Variants in ARHGAP6 observed in about 807,000 individuals in gnomAD.
ARHGAP6 encodes Rho GTPase activating protein 6.
ARHGAP6 carries 16 observed loss-of-function variants against 55.7 expected under a neutral mutation model. That is an observed-to-expected ratio of 0.29 (90% CI 0.19 to 0.44). ARHGAP6 has a LOEUF of 0.44. Among genes scored for constraint, ARHGAP6 ranks in the 20% least tolerant of loss-of-function variants. The pLI, the probability that ARHGAP6 is intolerant of heterozygous loss-of-function variation, is 1.00. For synonymous variants in ARHGAP6, 382 were observed against 360.9 expected (o/e 1.06, Z -0.66); for missense variants, 698 against 808.9 (o/e 0.86, Z 1.66).
rs60209100 is a variant in ARHGAP6 at position 11,557,494 on chromosome X, A to T, written c.588+106747T>A. Among the ~76,000 whole-genome samples, 828 of 111,382 alleles carry T rather than the reference A, an allele frequency of 7.4e-3. 10 individuals carry two copies. Among genetic ancestry groups the T allele is most frequent in the African/African-American group, 0.026 (785 of 30,671 alleles). ...TGTTTTCTGAAAGGCAAAAAAAAAAAATTATGAAGAAAAAGACCCAAAGAA... is the reference window on the plus strand; with the variant it reads ...TGTTTTCTGAAAGGCAAAAAAAAAATATTATGAAGAAAAAGACCCAAAGAA... On this transcript the variant is annotated intron_variant, in intron 1 of 12. Transcript: ENST00000337414.
In ARHGAP6 at chrX:11,139,466, C is replaced by T. The variant is rs1195572181; in HGVS notation, c.2322G>A (p.Gly774=). The T allele has an allele frequency of 1.7e-6, 2 of 1,178,035 alleles. No individual in the cohort carries two copies. Among genetic ancestry groups the T allele is most frequent in the Non-Finnish European group, 2.3e-6 (2 of 881,826 alleles). The change falls in exon 13 of 13, where the codon GGG becomes GGA. Residue 774 remains glycine, a synonymous_variant. Transcript: ENST00000337414. ...ACCGAGGCCAATTTGGGGACAGGTT[C>T]CCTTGAGAAAGGGAGCAGGGCCCCG... The part of the protein sequence containing the change: ...LRAGPCSLSQ[G]NLSPNWPRWQ...
At chrX:11,175,301 T>C (rs981987873) in intron 8 of ARHGAP6, among the ~76,000 whole-genome samples, 1 of 112,340 alleles carries the variant, frequency 8.9e-6, no homozygotes, top group Non-Finnish European at 1.9e-5. Context: ...CTCCTGTCAC[T>C]GCTAACGATT....
At chrX:11,275,627 A>G (rs940111232) in intron 1 of ARHGAP6, among the ~76,000 whole-genome samples, 1 of 111,736 alleles carries the variant, frequency 8.9e-6, no homozygotes, top group Non-Finnish European at 1.9e-5. Flanking sequence ...CCCTTTTGAA[A>G]GCCATCATTG....
chrX:11,565,683 T>C (rs1245289897), intron 1 of ARHGAP6, among the ~76,000 whole-genome samples: 1 of 112,580 alleles, frequency 8.9e-6, no homozygotes, highest in Non-Finnish European at 1.9e-5. Context: ...CTAGTTGAAG[T>C]CCTTTTCAAT....
At chrX:11,188,518 A>C (rs891035791) in intron 4 of ARHGAP6, among the ~76,000 whole-genome samples, 3 of 112,288 alleles carry the variant, frequency 2.7e-5, no homozygotes, top group East Asian at 2.8e-4. Context: ...CAAAGGAGGG[A>C]CACCCAACAG....
rs749571428 is a variant in ARHGAP6, at chrX:11,506,819, T to A, written c.588+157422A>T. On this transcript the variant is annotated intron_variant, in intron 1 of 12. Coordinates refer to ENST00000337414, the MANE Select transcript of ARHGAP6 (RefSeq NM_013427.3). ...AGATCCTTGAGGAATCGCCACACTG[T>A]CTTCCACAATGGTTGAACTAGTTTA... is the stretch of plus-strand genomic sequence containing the variant. 5.3e-3 allele frequency among the ~76,000 whole-genome samples: 589 copies of A among 111,896 alleles called. 6 individuals carry two copies. Among genetic ancestry groups the A allele is most frequent in the African/African-American group, 0.018 (565 of 30,734 alleles).
At chrX:11,347,980 T>A (rs952768350) in intron 1 of ARHGAP6, among the ~76,000 whole-genome samples, 5 of 112,169 alleles carry the variant, frequency 4.5e-5, no homozygotes, top group Non-Finnish European at 9.4e-5. Flanking sequence ...CTATTTATGA[T>A]CATCAGGTTT....
chrX:11,149,022 A>G (rs2045737561), intron 10 of ARHGAP6, among the ~76,000 whole-genome samples: 1 of 112,140 alleles, frequency 8.9e-6, no homozygotes, highest in Non-Finnish European at 1.9e-5. Context: ...TGCTAGGGAT[A>G]AAGGTACCCC....
intron 1 of ARHGAP6, among the ~76,000 whole-genome samples, chrX:11,351,925 C>T (rs1464785056): frequency 8.9e-6 from 1 of 112,542 alleles, no homozygotes; most frequent in Non-Finnish European, 1.9e-5. Context: ...CTCACCTTTC[C>T]CTTCTGGAAA....
intron 1 of ARHGAP6, among the ~76,000 whole-genome samples, chrX:11,418,860 C>A (rs1320177470): frequency 9.0e-6 from 1 of 111,701 alleles, no homozygotes; most frequent in Admixed American, 9.5e-5. Flanking sequence ...AATTTAAGGT[C>A]TTTCATAAAT....
At chrX:11,605,463 G>C (rs1234433164) in intron 1 of ARHGAP6, among the ~76,000 whole-genome samples, 1 of 111,414 alleles carries the variant, frequency 9.0e-6, no homozygotes, top group Non-Finnish European at 1.9e-5. Flanking sequence ...AAGAAGAACA[G>C]GGGGAGTGGC....
At chrX:11,186,576 T>G (rs925650479) in intron 4 of ARHGAP6, 145 bp from the exon 5 acceptor site, 2 of 390,713 alleles carry the variant, frequency 5.1e-6, no homozygotes, top group South Asian at 9.7e-5. Context: ...TTGTTCTGTT[T>G]GTAAATTAAA....
At chrX:11,259,051 C>A (rs1156256187) in intron 1 of ARHGAP6, among the ~76,000 whole-genome samples, 1 of 111,274 alleles carries the variant, frequency 9.0e-6, no homozygotes, top group African/African-American at 3.3e-5. Flanking sequence ...CTATAGTCAC[C>A]CTGTTGTGCT....
intron 10 of ARHGAP6, chrX:11,145,176 C>T (rs1001695907): frequency 8.9e-5 from 10 of 112,518 alleles, no homozygotes; most frequent in African/African-American, 2.9e-4. Context: ...ACATCTTTTC[C>T]CCCTTACTTC....
intron 1 of ARHGAP6, among the ~76,000 whole-genome samples, chrX:11,428,670 C>G (rs5935061): frequency 9.0e-6 from 1 of 111,387 alleles, no homozygotes; most frequent in East Asian, 2.8e-4. Flanking sequence ...TGTACTGAAC[C>G]GGCTGAATGA....
At chrX:11,525,913 C>T (rs905769365) in intron 1 of ARHGAP6, among the ~76,000 whole-genome samples, 2 of 111,715 alleles carry the variant, frequency 1.8e-5, no homozygotes, top group Admixed American at 9.5e-5. Context: ...CACCAACCTG[C>T]TTATCCTCAA....
intron 1 of ARHGAP6, among the ~76,000 whole-genome samples, chrX:11,361,849 T>A (rs1460081065): frequency 8.9e-6 from 1 of 111,970 alleles, no homozygotes; most frequent in Non-Finnish European, 1.9e-5. Context: ...GCGAAGGATA[T>A]GAACAGACAC....
At chrX:11,331,620 A>G (rs1488356571) in intron 1 of ARHGAP6, among the ~76,000 whole-genome samples, 1 of 111,993 alleles carries the variant, frequency 8.9e-6, no homozygotes, top group African/African-American at 3.2e-5. Context: ...GAGTAAAACC[A>G]TGCTTAAGAT....
intron 1 of ARHGAP6, among the ~76,000 whole-genome samples, chrX:11,513,951 C>G (rs1338775931): frequency 4.6e-5 from 5 of 109,587 alleles, no homozygotes; most frequent in African/African-American, 1.7e-4. Context: ...CACTTGAGCT[C>G]AGGAGTTCAA....
Sources: allele counts gnomAD v4.1 joint callset (sites outside exome capture counted in the v4.1 genomes callset), GRCh38; gene constraint gnomAD v4.1.1; transcripts MANE v1.5; gene names NCBI Gene and HGNC (gene_info 2026-07-23, HGNC 2026-07-21).